Variants in HERC2 observed in about 807,000 individuals in gnomAD.
HERC2 encodes E3 ubiquitin-protein ligase HERC2.
Under a neutral mutation model 537.7 loss-of-function variants are expected in HERC2, and 102 were observed. The observed-to-expected ratio is 0.19, with a 90% CI of 0.16 to 0.22. The LOEUF (loss-of-function observed/expected upper bound fraction) is 0.22. Among genes scored for constraint, HERC2 ranks in the 10% least tolerant of loss-of-function variants. The pLI is 1.00. For missense variants in HERC2, 4,236 were observed against 6,198.2 expected, an observed-to-expected ratio of 0.68 and a Z score of 10.63; for synonymous variants, 2,224 against 2,466.2, an observed-to-expected ratio of 0.90 and a Z score of 2.91.
At chr15:28,159,563 G>A (rs543918740) in intron 69 of HERC2, among the ~76,000 whole-genome samples, 1 of 152,294 alleles carries the variant, frequency 6.6e-6, no homozygotes, top group East Asian at 1.9e-4. Context: ...TAGTTCTCAT[G>A]CCATGGTTTT....
At chr15:28,218,079 G>A (rs1386064154) in intron 38 of HERC2, among the ~76,000 whole-genome samples, 5 of 151,692 alleles carry the variant, frequency 3.3e-5, no homozygotes, top group African/African-American at 1.2e-4. Context: ...AAATAGGGTC[G>A]CTGCAGCTGT....
At chr15:28,174,724 G>GA (rs1307159176) in intron 64 of HERC2, 104 bp from the exon 65 acceptor site, 2 of 939,890 alleles carry the variant, frequency 2.1e-6, no homozygotes, top group South Asian at 3.4e-5. Context: ...CACGGTAGTT[G>GA]AAAGAATTGA....
intron 23 of HERC2, among the ~76,000 whole-genome samples, chr15:28,241,986 C>T (rs1380015337): frequency 6.6e-6 from 1 of 152,136 alleles, no homozygotes; most frequent in Non-Finnish European, 1.5e-5. Flanking sequence ...TATGATTTCA[C>T]CTTAAAATGT....
Position 28,120,447 on chromosome 15 carries a change from G to A in HERC2, c.13272+899C>T, listed in dbSNP as rs937955552. Among the ~76,000 whole-genome samples the A allele has an allele frequency of 7.2e-5, 11 of 152,306 alleles. 1 individual carries two copies. Among genetic ancestry groups the A allele is most frequent in the Middle Eastern group, 3.4e-3 (1 of 294 alleles). On this transcript the variant is annotated intron_variant, in intron 86 of 92. Transcript: ENST00000261609. The stretch of plus-strand genomic sequence containing the variant: ...GCTCTCTGTGTCTGATCCAAGAGGC[G>A]AGGCCAGTTTCATTTGAGCATTAAA...
intron 48 of HERC2, 127 bp from the exon 49 acceptor site, chr15:28,198,896 C>T (rs1412807120): frequency 5.6e-6 from 5 of 896,586 alleles, no homozygotes; most frequent in South Asian, 1.9e-5. Flanking sequence ...GTCTGTAATC[C>T]TAGCACTTTG....
chr15:28,181,861 A>G (rs925316098), intron 57 of HERC2, among the ~76,000 whole-genome samples: 1 of 152,248 alleles, frequency 6.6e-6, no homozygotes, highest in Non-Finnish European at 1.5e-5. Context: ...GTTTACTGAC[A>G]AGGTGAATGA....
intron 10 of HERC2, among the ~76,000 whole-genome samples, chr15:28,270,477 G>A (rs1014338351): frequency 6.6e-6 from 1 of 151,994 alleles, no homozygotes; most frequent in Non-Finnish European, 1.5e-5. Context: ...CCTGGAACCC[G>A]GGCCCCCAGG....
chr15:28,151,513 GA>G (rs1368325373), intron 70 of HERC2, among the ~76,000 whole-genome samples: 2 of 151,750 alleles, frequency 1.3e-5, no homozygotes, highest in African/African-American at 4.8e-5. Context: ...TAAATAAAAG[GA>G]AAAAATTTTT....
At chr15:28,165,271 G>A (rs549110264) in intron 68 of HERC2, among the ~76,000 whole-genome samples, 4 of 152,340 alleles carry the variant, frequency 2.6e-5, no homozygotes, top group African/African-American at 9.6e-5. Flanking sequence ...AGGAAGAAAG[G>A]TGCCCACCAC....
chr15:28,312,459 C>T (rs571527288), intron 2 of HERC2, among the ~76,000 whole-genome samples: 544 of 151,526 alleles, frequency 3.6e-3, no homozygotes, highest in African/African-American at 0.013. Flanking sequence ...ATGGTAAGAC[C>T]GTGTCTCTAC....
At position 28,176,285 on chromosome 15, in the gene HERC2, A is replaced by C; in HGVS notation, c.9686+143T>G. The C allele has an allele frequency of 1.5e-6, 1 of 664,326 alleles. No individual in the cohort carries two copies. 41.2% of individuals were successfully genotyped at this position (664,326 alleles called of 1,614,324 possible). A position where few individuals can be genotyped will look rare whatever the true frequency, so the allele number is the denominator to read the frequency against. On this transcript the variant is annotated intron_variant, in intron 63 of 92. Coordinates refer to ENST00000261609, the MANE Select transcript of HERC2 (RefSeq NM_004667.6). This position sits in a 1 kb window ranked among gnomAD's most constrained non-coding sequence, Gnocchi z 5.0. ...TACTATTGTCACTAATCCCAACTCA[A>C]TATCCTTTAAAGGACAAAGATGCAT...
At chr15:28,205,300 T>C (rs1385969256) in intron 45 of HERC2, among the ~76,000 whole-genome samples, 1 of 5,260 alleles carries the variant, frequency 1.9e-4, no homozygotes, top group Non-Finnish European at 8.2e-4. Flanking sequence ...CTCAAGTTGC[T>C]CAGCGTCTTC....
At chr15:28,202,637 G>T (rs1290922956) in intron 45 of HERC2, 23 bp from the exon 46 acceptor site, 1 of 525,306 alleles carries the variant, frequency 1.9e-6, no homozygotes, top group Non-Finnish European at 3.2e-6. Flanking sequence ...GAGGGTCCTG[G>T]GAGATTTGGG....
chr15:28,121,955 G>A (rs568939147), intron 85 of HERC2, among the ~76,000 whole-genome samples: 1,448 of 131,216 alleles, frequency 0.011, 38 homozygotes, highest in African/African-American at 0.04. Flanking sequence ...CCGGACCTTG[G>A]ATCGCCACTG....
rs1437192762 is a variant in HERC2, at chr15:28,176,101, G to C, written c.9686+327C>G. Among the ~76,000 whole-genome samples the C allele has an allele frequency of 5.3e-5, 8 of 152,114 alleles. No individual in the cohort carries two copies. The South Asian group carries it at 1.7e-3, about 32-fold the overall frequency. Reference sequence around the variant, plus strand: ...CAAGAAACACATGTTAACTTTTTCAGGATCAAAGGATTCAGAAGGCTATTT... The same window carrying C: ...CAAGAAACACATGTTAACTTTTTCACGATCAAAGGATTCAGAAGGCTATTT... On this transcript the variant is annotated intron_variant, in intron 63 of 92. Transcript: ENST00000261609. This position sits in a 1 kb window ranked among gnomAD's most constrained non-coding sequence, Gnocchi z 5.0.
At position 28,176,967 on chromosome 15, in the gene HERC2, G is replaced by C. The variant is rs1344968603; in HGVS notation, c.9415C>G (p.Gln3139Glu). 1 of 1,612,924 alleles carries C rather than the reference G, an allele frequency of 6.2e-7. No individual in the cohort carries two copies. The highest frequency in any genetic ancestry group is 8.5e-7 in the Non-Finnish European group (1 of 1,179,330). ...GRLGHGDNTT[Q>E]LKPKMVKVLL... ...ATAATCACCATTTTGGGCTTTAGCT[G>C]TGTCGTATTATCCCCATGTCCCAGC... Residue 3139 changes from glutamine to glutamate, a missense_variant, in exon 61 of 93, where the codon CAG becomes GAG. By Grantham distance (29) the Gln-to-Glu change is conservative. This residue lies in a region of HERC2 where 606 missense variants were observed against 884.5 expected (regional missense o/e 0.69). Coordinates refer to ENST00000261609, the MANE Select transcript of HERC2 (RefSeq NM_004667.6). The surrounding 1 kb of genome is among the most constrained non-coding windows in gnomAD (Gnocchi z 5.0).
intron 55 of HERC2, 57 bp from the exon 56 acceptor site, chr15:28,186,809 T>C: frequency 7.7e-7 from 1 of 1,295,178 alleles, no homozygotes. Context: ...TTAGATCCTC[T>C]AACTGGAGAA....
At position 28,169,520 on chromosome 15, in the gene HERC2, G is replaced by A. The variant is rs201857604; in HGVS notation, c.10193C>T (p.Ser3398Leu). The A allele has an allele frequency of 1.0e-4, 164 of 1,610,216 alleles. No individual in the cohort carries two copies. The highest frequency in any genetic ancestry group is 1.3e-4 in the Non-Finnish European group (155 of 1,177,194). Residue 3398 changes from serine (S) to leucine (L), a missense_variant, in exon 66 of 93, where the codon TCA becomes TTA. Ser to Leu is a moderately radical substitution (Grantham distance 145). Coordinates refer to ENST00000261609, the MANE Select transcript of HERC2 (RefSeq NM_004667.6). ...DGNLAKQQAL[S>L]HILTALQIMY... is the part of the protein sequence containing the mutation. ...GATTTGCAATGCTGTAAGAATATGT[G>A]ATAAGGCCTGCTGTTTGGCCAGATT... is the stretch of plus-strand genomic sequence containing the variant.
intron 69 of HERC2, among the ~76,000 whole-genome samples, chr15:28,157,960 C>G (rs1215418993): frequency 6.6e-6 from 1 of 152,130 alleles, no homozygotes; most frequent in Non-Finnish European, 1.5e-5. Context: ...TCGTTGGTTT[C>G]AAAGAACAAC....
Sources: allele counts gnomAD v4.1 joint callset (sites outside exome capture counted in the v4.1 genomes callset), GRCh38; gene constraint gnomAD v4.1.1; regional missense constraint gnomAD v4.1.1; non-coding constraint Gnocchi (gnomAD v3.1); transcripts MANE v1.5; gene names NCBI Gene and HGNC (gene_info 2026-07-23, HGNC 2026-07-21).